NRG3: variants seen among roughly 807,000 people sequenced by gnomAD.
The protein encoded by NRG3 is pro-neuregulin-3, membrane-bound isoform.
NRG3 carries 31 observed loss-of-function variants against 66.9 expected under a neutral mutation model. The observed-to-expected ratio is 0.46, with a 90% CI of 0.35 to 0.63. The LOEUF is 0.63. Ranked by LOEUF, NRG3 falls within the 20% of genes least tolerant of loss-of-function variation. The pLI is 0.00. For synonymous variants in NRG3, 393 were observed against 359.4 expected, an observed-to-expected ratio of 1.09 and a Z score of -1.06; for missense variants, 910 against 878.9, an observed-to-expected ratio of 1.04 and a Z score of -0.45.
intron 3 of NRG3, among the ~76,000 whole-genome samples, chr10:82,837,150 C>T (rs903969375): frequency 6.6e-6 from 1 of 152,144 alleles, no homozygotes; most frequent in Non-Finnish European, 1.5e-5. Flanking sequence ...CGTTGTTGGA[C>T]ATTTGGCTTG....
intron 1 of NRG3, among the ~76,000 whole-genome samples, chr10:82,191,880 G>A (rs887762495): frequency 6.6e-6 from 1 of 152,134 alleles, no homozygotes; most frequent in African/African-American, 2.4e-5. Context: ...ATTTTCTTAT[G>A]CCCTGGGATT....
chr10:82,117,179 T>C (rs190362522), intron 1 of NRG3, among the ~76,000 whole-genome samples: 2 of 152,220 alleles, frequency 1.3e-5, no homozygotes, highest in Admixed American at 1.3e-4. Flanking sequence ...CAGGCGGAAA[T>C]AGTTCCTCCC....
chr10:82,364,472 T>C (rs1459420661), intron 2 of NRG3, among the ~76,000 whole-genome samples: 1 of 152,202 alleles, frequency 6.6e-6, no homozygotes, highest in Non-Finnish European at 1.5e-5. Flanking sequence ...GAATATTCTA[T>C]GATCTTTTCA....
intron 1 of NRG3, among the ~76,000 whole-genome samples, chr10:81,904,237 T>C (rs908392093): frequency 2.0e-5 from 3 of 152,046 alleles, no homozygotes; most frequent in Non-Finnish European, 2.9e-5. Context: ...TTTGAACTCC[T>C]GACCTCAAGT....
chr10:82,624,501 C>T (rs539188512), intron 2 of NRG3, among the ~76,000 whole-genome samples: 76 of 152,114 alleles, frequency 5.0e-4, no homozygotes, highest in Non-Finnish European at 9.1e-4. Flanking sequence ...AGTGGAATAT[C>T]TCTTTGCCTC....
chr10:82,579,537 G>A (rs973241254), intron 2 of NRG3, among the ~76,000 whole-genome samples: 3 of 151,930 alleles, frequency 2.0e-5, no homozygotes, highest in Non-Finnish European at 4.4e-5. Context: ...AAGCACACAT[G>A]TGCGTTTGCG....
intron 1 of NRG3, among the ~76,000 whole-genome samples, chr10:82,203,343 A>C (rs1242177313): frequency 6.6e-6 from 1 of 152,058 alleles, no homozygotes; most frequent in Non-Finnish European, 1.5e-5. Context: ...AGAAAGCATC[A>C]AACACGCCTC....
At chr10:82,665,825 G>A (rs1251441779) in intron 2 of NRG3, among the ~76,000 whole-genome samples, 1 of 151,942 alleles carries the variant, frequency 6.6e-6, no homozygotes, top group Non-Finnish European at 1.5e-5. Flanking sequence ...TTTTCCCTGG[G>A]CATCCACTCT....
intron 3 of NRG3, among the ~76,000 whole-genome samples, chr10:82,862,636 A>G (rs778066769): frequency 5.3e-5 from 8 of 152,170 alleles, no homozygotes; most frequent in Non-Finnish European, 8.8e-5. Context: ...TCTGCCTCTC[A>G]GATTTTGAGA....
chr10:82,186,463 A>C (rs942179472), intron 1 of NRG3, among the ~76,000 whole-genome samples: 1 of 152,182 alleles, frequency 6.6e-6, no homozygotes, highest in African/African-American at 2.4e-5. Flanking sequence ...GGCTGTGACC[A>C]CTGAGGTCCA....
At position 82,798,729 on chromosome 10, in the gene NRG3, C is replaced by T. The variant is rs1361277085; in HGVS notation, c.1027+60079C>T. Among the ~76,000 whole-genome samples, 3 of 152,204 alleles carry T rather than the reference C, an allele frequency of 2.0e-5. No homozygotes were observed. In the East Asian group the frequency reaches 5.8e-4, roughly 29 times the overall value. On this transcript the variant is annotated intron_variant, in intron 3 of 8. Transcript: ENST00000372141. ...GCATAGTAATGAAGAGTTCTCGAAA[C>T]ATCTGCAAGCTACTGTGTATAAATG...
chr10:81,976,953 C>T (rs977301423), intron 1 of NRG3, among the ~76,000 whole-genome samples: 4 of 152,168 alleles, frequency 2.6e-5, no homozygotes, highest in Non-Finnish European at 5.9e-5. Context: ...TTTCCTTCCT[C>T]ATAATGTGCT....
intron 1 of NRG3, among the ~76,000 whole-genome samples, chr10:82,086,112 A>G (rs536704853): frequency 2.8e-5 from 4 of 140,864 alleles, no homozygotes; most frequent in Admixed American, 2.1e-4. Context: ...CTGATATGGA[A>G]TCACAAAAAA....
At position 81,877,904 on chromosome 10, in the gene NRG3, G is replaced by A. The variant is rs542134461; in HGVS notation, c.823+1741G>A. On this transcript the variant is annotated intron_variant, in intron 1 of 8. Coordinates refer to ENST00000372141, the MANE Select transcript of NRG3 (RefSeq NM_001010848.4). Reference sequence around the variant, plus strand: ...AACATATTCAATGGATTGAAAATGAGTCTACCCTGAAGACCCCAGATTTTT... The same window carrying A: ...AACATATTCAATGGATTGAAAATGAATCTACCCTGAAGACCCCAGATTTTT... 3.3e-6 allele frequency: 5 copies of A among 1,536,158 alleles called. 1 individual carries two copies. The African/African-American group carries it at 5.5e-5, about 17-fold the overall frequency.
At chr10:82,688,759 G>T (rs2054697741) in intron 2 of NRG3, among the ~76,000 whole-genome samples, 1 of 145,390 alleles carries the variant, frequency 6.9e-6, no homozygotes. Flanking sequence ...AAATCCATAG[G>T]TCTTTTTTAG....
intron 1 of NRG3, among the ~76,000 whole-genome samples, chr10:81,908,627 T>C (rs1844822761): frequency 6.6e-6 from 1 of 152,200 alleles, no homozygotes; most frequent in South Asian, 2.1e-4. Context: ...TGATGTTTCA[T>C]GTTAAACCAC....
At chr10:81,881,554 A>G (rs1842182724) in intron 1 of NRG3, among the ~76,000 whole-genome samples, 1 of 152,184 alleles carries the variant, frequency 6.6e-6, no homozygotes, top group African/African-American at 2.4e-5. Flanking sequence ...TATCATATAC[A>G]TTCATATAAT....
intron 2 of NRG3, among the ~76,000 whole-genome samples, chr10:82,478,806 A>T (rs563968531): frequency 6.6e-6 from 1 of 152,358 alleles, no homozygotes; most frequent in African/African-American, 2.4e-5. Context: ...GGAAATAATT[A>T]AAAACAATAG....
chr10:82,751,619 A>G (rs960396605), intron 3 of NRG3, among the ~76,000 whole-genome samples: 3 of 152,184 alleles, frequency 2.0e-5, no homozygotes, highest in Non-Finnish European at 4.4e-5. Flanking sequence ...TGCCAGGTAC[A>G]TGCACAAAAG....
Sources: gnomAD v4.1 joint callset for allele counts (sites outside exome capture counted in the v4.1 genomes callset) on GRCh38, gnomAD v4.1.1 for gene constraint, MANE v1.5 for transcripts, NCBI Gene and HGNC (gene_info 2026-07-23, HGNC 2026-07-21) for gene names.